VPS41: variants seen among roughly 807,000 people sequenced by gnomAD.
VPS41 encodes the protein vacuolar protein sorting-associated protein 41 homolog.
In VPS41, 85 loss-of-function variants were observed where a neutral mutation model predicts 130.9. The ratio of observed to expected loss-of-function variants is 0.65; its 90% CI spans 0.55 to 0.78. The LOEUF is 0.78. Among genes scored for constraint, VPS41 ranks in the 30% least tolerant of loss-of-function variants. VPS41 has a pLI of 0.00. For synonymous variants in VPS41, 335 were observed against 332.9 expected, an observed-to-expected ratio of 1.01 and a Z score of -0.07; for missense variants, 874 against 1,018.7, an observed-to-expected ratio of 0.86 and a Z score of 1.93.
chr7:38,897,489 C>CA (rs199551555), intron 2 of VPS41, among the ~76,000 whole-genome samples: 1,819 of 151,048 alleles, frequency 0.012, 36 homozygotes, highest in African/African-American at 0.04. Flanking sequence ...ACTAAAAATA[C>CA]AAAAAATTAG....
At chr7:38,846,498 A>AT in intron 4 of VPS41, among the ~76,000 whole-genome samples, 1 of 152,358 alleles carries the variant, frequency 6.6e-6, no homozygotes, top group East Asian at 1.9e-4. Context: ...TGAAGTCTGG[A>AT]TACAGTGTAG....
At chr7:38,864,757 T>C (rs1010525697) in intron 3 of VPS41, among the ~76,000 whole-genome samples, 1 of 151,824 alleles carries the variant, frequency 6.6e-6, no homozygotes, top group African/African-American at 2.4e-5. Context: ...TTATTGAGTT[T>C]TGTTTCTTTT....
At chr7:38,787,096 C>T (rs781486867) in intron 10 of VPS41, among the ~76,000 whole-genome samples, 1 of 152,158 alleles carries the variant, frequency 6.6e-6, no homozygotes, top group African/African-American at 2.4e-5. Flanking sequence ...TTTCTCTTCC[C>T]TTTCTTCCTG....
intron 2 of VPS41, among the ~76,000 whole-genome samples, chr7:38,883,618 A>G (rs939659040): frequency 6.6e-6 from 1 of 151,926 alleles, no homozygotes; most frequent in African/African-American, 2.4e-5. Flanking sequence ...GTATCCTAGC[A>G]TCTAGGATAT....
At chr7:38,795,443 T>C (rs1423401235) in intron 9 of VPS41, 22 bp downstream of exon 9, 3 of 1,604,762 alleles carry the variant, frequency 1.9e-6, no homozygotes, top group Admixed American at 1.7e-5. Context: ...CACGGACTTA[T>C]TATAAAGACA....
chr7:38,737,856 A>G (rs1795802066), intron 25 of VPS41, among the ~76,000 whole-genome samples: 2 of 152,198 alleles, frequency 1.3e-5, no homozygotes, highest in South Asian at 4.1e-4. Context: ...TCCAGAGAGA[A>G]ATGTAGAGAA....
At chr7:38,907,279 TG>T (rs1397747776) in intron 1 of VPS41, among the ~76,000 whole-genome samples, 1 of 152,022 alleles carries the variant, frequency 6.6e-6, no homozygotes, top group East Asian at 1.9e-4. Flanking sequence ...AAAGAGGCCC[TG>T]AGATAGGAAC....
chr7:38,897,194 C>CAAAAAA (rs60717646), intron 2 of VPS41, among the ~76,000 whole-genome samples: 1 of 116,106 alleles, frequency 8.6e-6, no homozygotes, highest in Admixed American at 9.6e-5. Flanking sequence ...AACTCTGTCT[C>CAAAAAA]AAAAAAAAAA....
intron 21 of VPS41, among the ~76,000 whole-genome samples, chr7:38,753,771 G>A (rs143664636): frequency 9.5e-4 from 145 of 152,242 alleles, no homozygotes; most frequent in African/African-American, 3.4e-3. Context: ...AGATAATCTT[G>A]AGATTTCCAA....
Position 38,853,142 on chromosome 7 carries a change from G to A in VPS41, c.246+9403C>T, listed in dbSNP as rs182782834. On this transcript the variant is annotated intron_variant, in intron 4 of 28. Transcript: ENST00000310301. ...CCTGTTTCATAAGAAGAATGTGGCC[G>A]GGTGCGGTGGCTCACGCCTGTAATC... Among the ~76,000 whole-genome samples the A allele has an allele frequency of 1.6e-3, 250 of 152,206 alleles. 3 individuals are homozygous for A. Among genetic ancestry groups the A allele is most frequent in the African/African-American group, 2.6e-3 (110 of 41,534 alleles).
intron 2 of VPS41, among the ~76,000 whole-genome samples, chr7:38,888,083 T>C (rs887172466): frequency 4.6e-5 from 7 of 152,102 alleles, no homozygotes; most frequent in African/African-American, 1.7e-4. Flanking sequence ...ACATGCCAAA[T>C]TGTAAAGACC....
intron 25 of VPS41, among the ~76,000 whole-genome samples, chr7:38,733,396 T>C (rs772717794): frequency 1.3e-5 from 2 of 152,264 alleles, no homozygotes; most frequent in Non-Finnish European, 2.9e-5. Flanking sequence ...TTTACGGTTA[T>C]GCTGGTTGTT....
intron 1 of VPS41, among the ~76,000 whole-genome samples, chr7:38,907,909 T>C (rs1787303429): frequency 6.6e-6 from 1 of 152,214 alleles, no homozygotes; most frequent in Non-Finnish European, 1.5e-5. Context: ...TGAAATGATA[T>C]GTTCTTAATG....
At chr7:38,734,081 C>T (rs900809331) in intron 25 of VPS41, among the ~76,000 whole-genome samples, 1 of 152,146 alleles carries the variant, frequency 6.6e-6, no homozygotes, top group Non-Finnish European at 1.5e-5. Flanking sequence ...AAAGTAAGGC[C>T]CTGTCTCAAA....
intron 7 of VPS41, among the ~76,000 whole-genome samples, chr7:38,814,056 T>TC (rs2116081275): frequency 6.6e-6 from 1 of 152,342 alleles, no homozygotes; most frequent in East Asian, 1.9e-4. Context: ...TCCAAGCTCT[T>TC]CCCATGTTAT....
chr7:38,725,745 C>T lies in VPS41; in HGVS notation c.*501G>A, dbSNP rs979745722. The T allele has an allele frequency of 2.9e-4, 45 of 154,250 alleles. 1 individual carries two copies. The highest frequency in any genetic ancestry group is 2.6e-4 in the Non-Finnish European group (18 of 69,490). 9.6% of individuals were successfully genotyped at this position (154,250 alleles called of 1,614,324 possible). A position where few individuals can be genotyped will look rare whatever the true frequency, so the allele number is the denominator to read the frequency against. Reference sequence around the variant, plus strand: ...ATTTGTACAATGTTTCATTAAATGCCTATTTAGAGGATAACCATAGTTGAT... The same window carrying T: ...ATTTGTACAATGTTTCATTAAATGCTTATTTAGAGGATAACCATAGTTGAT... On this transcript the variant is annotated 3_prime_UTR_variant, in exon 29 of 29. Coordinates refer to ENST00000310301, the MANE Select transcript of VPS41 (RefSeq NM_014396.4).
chr7:38,731,196 T>C (rs757586890), intron 25 of VPS41, among the ~76,000 whole-genome samples: 5 of 152,226 alleles, frequency 3.3e-5, no homozygotes, highest in Non-Finnish European at 7.3e-5. Flanking sequence ...CTCTATAGAA[T>C]GTAATCATTT....
chr7:38,781,180 T>C (rs1562584331), intron 10 of VPS41, among the ~76,000 whole-genome samples: 1 of 152,208 alleles, frequency 6.6e-6, no homozygotes, highest in Non-Finnish European at 1.5e-5. Context: ...ATTTTAATAA[T>C]ACATAACATA....
At position 38,758,491 on chromosome 7, in the gene VPS41, G is replaced by C. The variant is rs1473838103; in HGVS notation, c.1423-10C>G. ...TCAATGTGGCAAAACCCTAACCAAA[G>C]GTGAAAAACAGAAAAAGAACACTCA... On this transcript the variant is annotated splice_polypyrimidine_tract_variant and intron_variant, in intron 17 of 28. Transcript: ENST00000310301. 6.3e-7 allele frequency: 1 copy of C among 1,599,136 alleles called. No individual in the cohort carries two copies. Among genetic ancestry groups the C allele is most frequent in the Admixed American group, 1.8e-5 (1 of 55,820 alleles).
Sources: gnomAD v4.1 joint callset for allele counts (sites outside exome capture counted in the v4.1 genomes callset) on GRCh38, gnomAD v4.1.1 for gene constraint, MANE v1.5 for transcripts, NCBI Gene and HGNC (gene_info 2026-07-23, HGNC 2026-07-21) for gene names.